PTPN20: variants seen among roughly 807,000 people sequenced by gnomAD.
The protein encoded by PTPN20 is tyrosine-protein phosphatase non-receptor type 20.
A neutral mutation model predicts 35.0 loss-of-function variants in PTPN20; 9 were observed. The ratio of observed to expected loss-of-function variants is 0.26; its 90% CI spans 0.15 to 0.45. The LOEUF is 0.45. PTPN20 is among the 20% of genes least tolerant of loss of function. The pLI is 1.00. For synonymous variants in PTPN20, 32 were observed against 100.2 expected, an observed-to-expected ratio of 0.32 and a Z score of 4.06; for missense variants, 111 against 312.5, an observed-to-expected ratio of 0.36 and a Z score of 4.86.
Position 47,001,075 on chromosome 10 carries a change from AT to A in PTPN20, c.*337del, listed in dbSNP as rs2059983332. 1.5e-5 allele frequency: 5 copies of A among 330,868 alleles called. No homozygotes were observed. The South Asian group carries it at 1.7e-4, about 11-fold the overall frequency. 20.5% of individuals were successfully genotyped at this position (330,868 alleles called of 1,614,324 possible). A position where few individuals can be genotyped will look rare whatever the true frequency, so the allele number is the denominator to read the frequency against. ...TTTAAAATATATTCATTAAGATTTTATTTGGAAAGGTGGCTGGAGAGAGCTG... is the reference window on the plus strand; with the variant it reads ...TTTAAAATATATTCATTAAGATTTTATTGGAAAGGTGGCTGGAGAGAGCTG... On this transcript the variant is annotated 3_prime_UTR_variant, in exon 11 of 11. Coordinates refer to ENST00000374339, the MANE Select transcript of PTPN20 (RefSeq NM_001042357.5).
Position 47,001,134 on chromosome 10 carries a change from G to T in PTPN20, c.*393G>T, listed in dbSNP as rs1203040736. Reference sequence around the variant, plus strand: ...CCAGGACTTTGTAAGTTCTTATTCTGGGAGAACATAAGGCCAATAATCATG... The same window carrying T: ...CCAGGACTTTGTAAGTTCTTATTCTTGGAGAACATAAGGCCAATAATCATG... On this transcript the variant is annotated 3_prime_UTR_variant, in exon 11 of 11. Transcript: ENST00000374339. The T allele has an allele frequency of 5.0e-5, 13 of 261,660 alleles. No homozygotes were observed. The highest frequency in any genetic ancestry group is 3.0e-4 in the African/African-American group (13 of 43,960). The allele number at this position is 261,660 out of a possible 1,614,324, so 16.2% of individuals were successfully genotyped here.
chr10:46,952,676 A>G (rs2047051567), intron 5 of PTPN20, among the ~76,000 whole-genome samples: 1 of 150,508 alleles, frequency 6.6e-6, no homozygotes, highest in African/African-American at 2.5e-5. Context: ...TGACCCACAC[A>G]TTCATTCCTC....
At chr10:46,951,151 T>C (rs1555145736) in intron 5 of PTPN20, among the ~76,000 whole-genome samples, 1 of 152,058 alleles carries the variant, frequency 6.6e-6, no homozygotes. Flanking sequence ...TTAGCCACCA[T>C]GCCCGGCTAA....
chr10:46,998,053 A>G (rs2059457848), intron 9 of PTPN20, among the ~76,000 whole-genome samples: 3 of 152,218 alleles, frequency 2.0e-5, no homozygotes, highest in Non-Finnish European at 4.4e-5. Flanking sequence ...ACAATTGAGC[A>G]GTTTCTTGGA....
intron 5 of PTPN20, among the ~76,000 whole-genome samples, chr10:46,958,960 T>C (rs1446069535): frequency 6.6e-6 from 1 of 150,638 alleles, no homozygotes; most frequent in Non-Finnish European, 1.5e-5. Flanking sequence ...ACATGCAAAA[T>C]ATTCCATGTG....
Position 47,000,755 on chromosome 10 carries a change from T to G in PTPN20, c.*14T>G. The G allele has an allele frequency of 6.2e-7, 1 of 1,613,502 alleles. No homozygotes were observed. Among genetic ancestry groups the G allele is most frequent in the East Asian group, 2.2e-5 (1 of 44,852 alleles). On this transcript the variant is annotated 3_prime_UTR_variant, in exon 11 of 11. Transcript: ENST00000374339. Reference sequence around the variant, plus strand: ...ACTTTGGATTAAGAAAGACTTCTGTTGCCTCTCACTTGAAATTACCAAGTG... The same window carrying G: ...ACTTTGGATTAAGAAAGACTTCTGTGGCCTCTCACTTGAAATTACCAAGTG...
chr10:46,993,738 C>T (rs1177953273), intron 9 of PTPN20, among the ~76,000 whole-genome samples: 3 of 152,200 alleles, frequency 2.0e-5, no homozygotes, highest in African/African-American at 7.2e-5. Flanking sequence ...TTTTATATTA[C>T]CTTTCTCTTA....
intron 9 of PTPN20, among the ~76,000 whole-genome samples, chr10:46,992,038 C>G (rs2058057371): frequency 6.6e-6 from 1 of 151,458 alleles, no homozygotes; most frequent in African/African-American, 2.4e-5. Context: ...GTTTACTCTT[C>G]TTCTCTTTCA....
chr10:46,994,411 C>T (rs1337066773), intron 9 of PTPN20, among the ~76,000 whole-genome samples: 1 of 139,028 alleles, frequency 7.2e-6, no homozygotes, highest in Non-Finnish European at 1.5e-5. Context: ...TCACTGCAAG[C>T]TCCGCCGCCT....
At chr10:46,984,111 G>A (rs1373159740) in intron 7 of PTPN20, 119 bp from the exon 8 acceptor site, 1 of 747,944 alleles carries the variant, frequency 1.3e-6, no homozygotes, top group African/African-American at 1.7e-5. Context: ...AAACTCCTAG[G>A]CCATCTTCTC....
At chr10:46,939,088 C>T (rs548671637) in intron 2 of PTPN20, among the ~76,000 whole-genome samples, 253 of 150,098 alleles carry the variant, frequency 1.7e-3, no homozygotes, top group African/African-American at 5.9e-3. Flanking sequence ...CCTAGGTTTG[C>T]GGAATTTCCT....
At chr10:46,928,233 A>G (rs1204372642) in intron 1 of PTPN20, among the ~76,000 whole-genome samples, 6 of 152,222 alleles carry the variant, frequency 3.9e-5, no homozygotes, top group Non-Finnish European at 7.3e-5. Context: ...GAATGCTCAC[A>G]GTAATCTTTA....
chr10:46,919,116 A>T (rs1480061071), intron 1 of PTPN20, among the ~76,000 whole-genome samples: 500 of 149,816 alleles, frequency 3.3e-3, no homozygotes, highest in Non-Finnish European at 4.7e-3. Context: ...CCTTCTTTTG[A>T]TTAGTGTTTA....
intron 7 of PTPN20, among the ~76,000 whole-genome samples, chr10:46,977,345 C>G (rs1386454885): frequency 6.6e-6 from 1 of 152,282 alleles, no homozygotes; most frequent in Non-Finnish European, 1.5e-5. Flanking sequence ...TATATACAGC[C>G]TATTGATTCT....
intron 2 of PTPN20, 141 bp downstream of exon 2, chr10:46,932,674 G>T (rs1394592625): frequency 4.1e-6 from 6 of 1,471,360 alleles, no homozygotes; most frequent in Admixed American, 3.4e-5. Flanking sequence ...GGGGTGGGGT[G>T]GGGGGCAAGA....
At position 46,926,811 on chromosome 10, in the gene PTPN20, C is replaced by T. The variant is rs1417810850; in HGVS notation, c.-123-5566C>T. Among the ~76,000 whole-genome samples the T allele has an allele frequency of 4.0e-5, 6 of 151,708 alleles. 2 individuals carry two copies. The highest frequency in any genetic ancestry group is 1.5e-4 in the African/African-American group (6 of 41,014). ...AGGATGCACTTAATTTTCTGAATAA[C>T]AAGGTATGGAAACTTGTGTGAAGTG... On this transcript the variant is annotated intron_variant, in intron 1 of 10. Coordinates refer to ENST00000374339, the MANE Select transcript of PTPN20 (RefSeq NM_001042357.5).
At chr10:46,993,987 T>A (rs922440780) in intron 9 of PTPN20, among the ~76,000 whole-genome samples, 11 of 152,214 alleles carry the variant, frequency 7.2e-5, no homozygotes, top group Non-Finnish European at 5.9e-5. Context: ...GTAAGTCAGG[T>A]CTGCTGCTGT....
Position 47,001,886 on chromosome 10 carries a change from T to A in PTPN20, c.*1145T>A, listed in dbSNP as rs2060068460. ...TAGTGATATTTTGGACAAGGAGTTC[T>A]GGTGACAAGCTATACCTAATTATAA... On this transcript the variant is annotated 3_prime_UTR_variant, in exon 11 of 11. Coordinates refer to ENST00000374339, the MANE Select transcript of PTPN20 (RefSeq NM_001042357.5). 1 of 152,150 alleles carries A rather than the reference T, an allele frequency of 6.6e-6. No individual in the cohort carries two copies. The highest frequency in any genetic ancestry group is 6.6e-5 in the Admixed American group (1 of 15,262). 9.4% of individuals were successfully genotyped at this position (152,150 alleles called of 1,614,324 possible). A position where few individuals can be genotyped will look rare whatever the true frequency, so the allele number is the denominator to read the frequency against.
intron 2 of PTPN20, among the ~76,000 whole-genome samples, chr10:46,934,715 C>T (rs2040877121): frequency 1.9e-5 from 2 of 107,688 alleles, no homozygotes; most frequent in Admixed American, 1.0e-4. Flanking sequence ...TTGCTGGCTC[C>T]TCATTCACTT....
Sources: gnomAD v4.1 joint callset for allele counts (sites outside exome capture counted in the v4.1 genomes callset) on GRCh38, gnomAD v4.1.1 for gene constraint, MANE v1.5 for transcripts, NCBI Gene and HGNC (gene_info 2026-07-23, HGNC 2026-07-21) for gene names.